KCNMA1: variants seen among roughly 807,000 people sequenced by gnomAD.
KCNMA1 encodes the protein Calcium-activated potassium channel subunit alpha-1.
KCNMA1 carries 29 observed loss-of-function variants against 140.0 expected under a neutral mutation model. The ratio of observed to expected loss-of-function variants is 0.21; its 90% CI spans 0.15 to 0.28. The LOEUF (loss-of-function observed/expected upper bound fraction) is 0.28. Among genes scored for constraint, KCNMA1 ranks in the 10% least tolerant of loss-of-function variants. KCNMA1 has a pLI of 1.00. For missense variants in KCNMA1, 880 were observed against 1,602.2 expected, an observed-to-expected ratio of 0.55 and a Z score of 7.70; for synonymous variants, 612 against 611.9, an observed-to-expected ratio of 1.00 and a Z score of 0.00.
At chr10:76,929,555 A>C (rs2058732619) in intron 23 of KCNMA1, among the ~76,000 whole-genome samples, 1 of 152,234 alleles carries the variant, frequency 6.6e-6, no homozygotes, top group African/African-American at 2.4e-5. Context: ...TCTATAAATA[A>C]ATTTCCAAGA....
In KCNMA1 at chr10:77,018,385, T is replaced by C. The variant is rs185039559; in HGVS notation, c.2015+628A>G. Among the ~76,000 whole-genome samples, 151 of 152,330 alleles carry C rather than the reference T, an allele frequency of 9.9e-4. No homozygotes were observed. In the Middle Eastern group the frequency reaches 0.01, roughly 10 times the overall value. ...TAGAATCAAATACAATAATATTCCA[T>C]GTTGTGCTGCAAAGGGCCCTGTGAA... On this transcript the variant is annotated intron_variant, in intron 17 of 27. Coordinates refer to ENST00000286628, the MANE Select transcript of KCNMA1 (RefSeq NM_001161352.2).
chr10:77,325,686 C>T (rs887677090), intron 2 of KCNMA1, among the ~76,000 whole-genome samples: 1 of 152,166 alleles, frequency 6.6e-6, no homozygotes, highest in Non-Finnish European at 1.5e-5. Context: ...CTTCTTTCTG[C>T]CTTATCTCTG....
chr10:77,343,852 A>G (rs1208944746), intron 2 of KCNMA1, among the ~76,000 whole-genome samples: 2 of 152,212 alleles, frequency 1.3e-5, no homozygotes, highest in Admixed American at 6.5e-5. Flanking sequence ...AGAGGTTTTC[A>G]ATCACCTACC....
rs377729383 is a variant in KCNMA1 at position 76,957,541 on chromosome 10, A to T, written c.2361-3617T>A. Among the ~76,000 whole-genome samples the T allele has an allele frequency of 3.9e-5, 6 of 152,360 alleles. No individual in the cohort carries two copies. The South Asian group carries it at 8.3e-4, about 21-fold the overall frequency. On this transcript the variant is annotated intron_variant, in intron 20 of 27. Coordinates refer to ENST00000286628, the MANE Select transcript of KCNMA1 (RefSeq NM_001161352.2). ...AATGAAATGAGTTGTTGCCCAAGACAGTGGGTTTTCTATCATTGAGCCATT... is the reference window on the plus strand; with the variant it reads ...AATGAAATGAGTTGTTGCCCAAGACTGTGGGTTTTCTATCATTGAGCCATT...
At chr10:77,576,177 G>A (rs1041799466) in intron 1 of KCNMA1, among the ~76,000 whole-genome samples, 2 of 152,208 alleles carry the variant, frequency 1.3e-5, no homozygotes, top group Non-Finnish European at 2.9e-5. Flanking sequence ...TGAGGAACAA[G>A]GCCCTAGACT....
chr10:77,565,328 C>T (rs74601131), intron 1 of KCNMA1, among the ~76,000 whole-genome samples: 2,235 of 152,130 alleles, frequency 0.015, 61 homozygotes, highest in African/African-American at 0.051. Flanking sequence ...CAGCAGCGGG[C>T]GGGGAAACAG....
chr10:77,416,385 T>C (rs1394645855), intron 1 of KCNMA1, among the ~76,000 whole-genome samples: 1 of 152,176 alleles, frequency 6.6e-6, no homozygotes, highest in Non-Finnish European at 1.5e-5. Context: ...TGGCATCTAA[T>C]GCCTTCACTA....
At chr10:77,065,130 C>T (rs1489408578) in intron 14 of KCNMA1, among the ~76,000 whole-genome samples, 3 of 152,172 alleles carry the variant, frequency 2.0e-5, no homozygotes, top group Non-Finnish European at 2.9e-5. Context: ...TCCACAAACA[C>T]GTATTGAGTA....
In KCNMA1 at chr10:76,887,059, C is replaced by G. The variant is rs200929632; in HGVS notation, c.*207G>C. On this transcript the variant is annotated 3_prime_UTR_variant, in exon 28 of 28. Coordinates refer to ENST00000286628, the MANE Select transcript of KCNMA1 (RefSeq NM_001161352.2). ...CCAGAATCATAAATAACTTTTGGTCCGTCTGCTTATTTGCTGTTGTGCTCA... is the reference window on the plus strand; with the variant it reads ...CCAGAATCATAAATAACTTTTGGTCGGTCTGCTTATTTGCTGTTGTGCTCA... 1.4e-5 allele frequency: 21 copies of G among 1,475,552 alleles called. No individual in the cohort carries two copies. The highest frequency in any genetic ancestry group is 1.9e-5 in the Non-Finnish European group (21 of 1,115,224). The allele number at this position is 1,475,552 out of a possible 1,614,324, so 91.4% of individuals were successfully genotyped here.
intron 3 of KCNMA1, among the ~76,000 whole-genome samples, chr10:77,216,027 T>C (rs902401794): frequency 2.6e-5 from 4 of 152,140 alleles, no homozygotes; most frequent in Non-Finnish European, 4.4e-5. Context: ...CTTAGACTTC[T>C]TAGCCTCTAT....
chr10:77,446,404 G>A (rs948010204), intron 1 of KCNMA1, among the ~76,000 whole-genome samples: 3 of 152,192 alleles, frequency 2.0e-5, no homozygotes, highest in Non-Finnish European at 2.9e-5. Flanking sequence ...GAGCTAGAGT[G>A]GCCTCTCCAA....
chr10:76,941,205 G>GAAAGA (rs1460217532), intron 23 of KCNMA1, among the ~76,000 whole-genome samples: 1 of 149,480 alleles, frequency 6.7e-6, no homozygotes, highest in East Asian at 2.0e-4. Context: ...GGGAAGGAGG[G>GAAAGA]AAAGAAAAGA....
intron 1 of KCNMA1, among the ~76,000 whole-genome samples, chr10:77,412,858 T>C (rs890798159): frequency 6.6e-6 from 1 of 151,984 alleles, no homozygotes; most frequent in African/African-American, 2.4e-5. Flanking sequence ...TGTTTTGTTT[T>C]GTTTTGTTTT....
intron 2 of KCNMA1, among the ~76,000 whole-genome samples, chr10:77,311,257 C>T (rs1000973515): frequency 3.3e-5 from 5 of 152,196 alleles, no homozygotes; most frequent in Admixed American, 6.5e-5. Flanking sequence ...TCTCCCCTGG[C>T]AAATACAGTG....
At chr10:76,971,608 C>A (rs2076106092) in intron 19 of KCNMA1, among the ~76,000 whole-genome samples, 1 of 152,064 alleles carries the variant, frequency 6.6e-6, no homozygotes, top group African/African-American at 2.4e-5. Context: ...AAAGCACCTG[C>A]AAACACCCAC....
chr10:77,298,304 G>A (rs964607959), intron 2 of KCNMA1, among the ~76,000 whole-genome samples: 1 of 152,130 alleles, frequency 6.6e-6, no homozygotes, highest in Admixed American at 6.5e-5. Context: ...GTGCAGTGGT[G>A]TGATCTCGGC....
At chr10:77,061,632 T>C (rs961298610) in intron 14 of KCNMA1, among the ~76,000 whole-genome samples, 17 of 152,206 alleles carry the variant, frequency 1.1e-4, no homozygotes, top group Non-Finnish European at 1.9e-4. Flanking sequence ...ACTTACCCTA[T>C]AATCCAGCAA....
At chr10:77,225,243 G>A (rs2050936829) in intron 3 of KCNMA1, among the ~76,000 whole-genome samples, 1 of 152,082 alleles carries the variant, frequency 6.6e-6, no homozygotes, top group Non-Finnish European at 1.5e-5. Context: ...GGGCATTACA[G>A]CAAAAAAGAC....
At chr10:77,119,831 A>C (rs1444826697) in intron 6 of KCNMA1, among the ~76,000 whole-genome samples, 3 of 152,202 alleles carry the variant, frequency 2.0e-5, no homozygotes, top group Non-Finnish European at 4.4e-5. Flanking sequence ...ACTAATAGAA[A>C]GTGAATTTGA....
Sources: gnomAD v4.1 joint callset for allele counts (sites outside exome capture counted in the v4.1 genomes callset) on GRCh38, gnomAD v4.1.1 for gene constraint, MANE v1.5 for transcripts, NCBI Gene and HGNC (gene_info 2026-07-23, HGNC 2026-07-21) for gene names.